The following ATL2 variants were observed in gnomAD, a reference collection of about 807,000 sequenced individuals.
ATL2 encodes atlastin-2.
A neutral mutation model predicts 73.9 loss-of-function variants in ATL2; 31 were observed. The ratio of observed to expected loss-of-function variants is 0.42; its 90% CI spans 0.32 to 0.57. The LOEUF (loss-of-function observed/expected upper bound fraction) is 0.57, where lower values mean the gene tolerates loss of function less well. Among genes scored for constraint, ATL2 ranks in the 20% least tolerant of loss-of-function variants. ATL2 has a pLI of 0.14. For synonymous variants in ATL2, 291 were observed against 237.5 expected (o/e 1.23, Z -2.07); for missense variants, 738 against 702.6 (o/e 1.05, Z -0.57).
chr2:38,309,403 A>G lies in ATL2; in HGVS notation c.1047T>C (p.Cys349=), dbSNP rs1257967840. The part of the protein sequence containing the change: ...EKEISGSKVT[C]RDLVEYFKAY... ...CCTTAAAATATTCTACAAGATCTCT[A>G]CAAGTGACTTTAGATCCACTTATCT... Residue 349 remains cysteine (C), a synonymous_variant, in exon 9 of 13, where the codon TGT becomes TGC. Transcript: ENST00000378954. 3 of 1,611,198 alleles carry G rather than the reference A, an allele frequency of 1.9e-6. No individual in the cohort carries two copies. The highest frequency in any genetic ancestry group is 2.5e-6 in the Non-Finnish European group (3 of 1,179,560).
At chr2:38,372,716 T>C (rs1671757085) in intron 1 of ATL2, among the ~76,000 whole-genome samples, 1 of 152,230 alleles carries the variant, frequency 6.6e-6, no homozygotes, top group Non-Finnish European at 1.5e-5. Flanking sequence ...AAGTTGCCTA[T>C]TTTGAAAATT....
chr2:38,310,514 C>A, intron 7 of ATL2, 67 bp from the exon 8 acceptor site: 1 of 1,381,920 alleles, frequency 7.2e-7, no homozygotes, highest in Non-Finnish European at 9.9e-7. Context: ...AGAAAATGCA[C>A]ACAGACTCGC....
At position 38,309,419 on chromosome 2, in the gene ATL2, C is replaced by G; in HGVS notation, c.1031G>C (p.Gly344Ala). The change falls in exon 9 of 13, where the codon GGA (glycine) becomes GCA (alanine). Residue 344 changes from glycine to alanine, a missense_variant. Transcript: ENST00000378954. ...AAGATCTCTACAAGTGACTTTAGAT[C>G]CACTTATCTCTTTTTCTACCAAATT... ...PENLVEKEIS[G>A]SKVTCRDLVE... The G allele has an allele frequency of 6.2e-7, 1 of 1,611,910 alleles. No homozygotes were observed. Among genetic ancestry groups the G allele is most frequent in the Non-Finnish European group, 8.5e-7 (1 of 1,179,516 alleles).
intron 1 of ATL2, among the ~76,000 whole-genome samples, chr2:38,364,607 C>A (rs1207369257): frequency 6.6e-6 from 1 of 152,244 alleles, no homozygotes; most frequent in African/African-American, 2.4e-5. Context: ...CAATGTACTA[C>A]ATTCCTATTT....
chr2:38,375,047 T>C (rs1366106982), intron 1 of ATL2, among the ~76,000 whole-genome samples: 1 of 152,190 alleles, frequency 6.6e-6, no homozygotes, highest in Non-Finnish European at 1.5e-5. Flanking sequence ...CAGAATCCTA[T>C]CAACTTAAAA....
chr2:38,340,968 C>G (rs1669679264), intron 2 of ATL2, among the ~76,000 whole-genome samples: 1 of 152,182 alleles, frequency 6.6e-6, no homozygotes, highest in Non-Finnish European at 1.5e-5. Flanking sequence ...AAAGAGAGTT[C>G]CGTTTGTGCA....
chr2:38,360,134 A>G lies in ATL2; in HGVS notation c.119-16622T>C, dbSNP rs867744471. ...GCAGAGCAAGGCTCCATTTCAAAAA[A>G]AAAAAAAAAAAAAAAGAATACTAAA... On this transcript the variant is annotated intron_variant, in intron 1 of 12. Coordinates refer to ENST00000378954, the MANE Select transcript of ATL2 (RefSeq NM_001135673.4). Among the ~76,000 whole-genome samples the G allele has an allele frequency of 4.8e-3, 621 of 130,292 alleles. 3 individuals carry two copies. The highest frequency in any genetic ancestry group is 0.021 in the African/African-American group (566 of 26,384). The allele number at this position is 130,292 out of a possible 152,430, so 85.5% of individuals were successfully genotyped here.
At chr2:38,360,640 A>C (rs1670958983) in intron 1 of ATL2, among the ~76,000 whole-genome samples, 1 of 152,120 alleles carries the variant, frequency 6.6e-6, no homozygotes, top group Admixed American at 6.6e-5. Context: ...AGGTTCTGCA[A>C]GTCTCTTCAT....
chr2:38,296,039 G>C lies in ATL2; in HGVS notation c.1707C>G (p.Gly569=). ...RQSVTNSIKA[G]LTDQVSHHAR... is the part of the protein sequence containing the mutation. Reference sequence around the variant, plus strand: ...CATGATGAGACACCTGGTCAGTCAGGCCTGCTTTGATAGAGTTTGTTACAG... The same window carrying C: ...CATGATGAGACACCTGGTCAGTCAGCCCTGCTTTGATAGAGTTTGTTACAG... The change falls in exon 13 of 13, where the codon GGC becomes GGG. Residue 569 remains glycine, a synonymous_variant. Transcript: ENST00000378954. The C allele has an allele frequency of 6.4e-7, 1 of 1,551,772 alleles. No homozygotes were observed. Among genetic ancestry groups the C allele is most frequent in the Non-Finnish European group, 8.7e-7 (1 of 1,146,864 alleles).
chr2:38,325,956 C>T (rs1223922546), intron 2 of ATL2, among the ~76,000 whole-genome samples: 1 of 150,172 alleles, frequency 6.7e-6, no homozygotes, highest in Non-Finnish European at 1.5e-5. Context: ...AGGACTCAGG[C>T]CCACTAAAAA....
intron 1 of ATL2, among the ~76,000 whole-genome samples, chr2:38,367,611 A>T (rs1320684852): frequency 1.4e-5 from 2 of 147,438 alleles, no homozygotes; most frequent in African/African-American, 5.1e-5. Context: ...AAAAAAAAAA[A>T]AAAAACCGCC....
chr2:38,360,283 G>A (rs1400166222), intron 1 of ATL2, among the ~76,000 whole-genome samples: 2 of 141,166 alleles, frequency 1.4e-5, no homozygotes, highest in East Asian at 2.3e-4. Context: ...TAAGATTTTG[G>A]GTGTTTTGCT....
At chr2:38,324,488 G>A (rs1054126788) in intron 2 of ATL2, among the ~76,000 whole-genome samples, 4 of 152,148 alleles carry the variant, frequency 2.6e-5, no homozygotes, top group Admixed American at 6.5e-5. Context: ...GTTTTCATTT[G>A]AATATGTGAG....
At chr2:38,337,549 TAA>T (rs1415504598) in intron 2 of ATL2, among the ~76,000 whole-genome samples, 3 of 132,056 alleles carry the variant, frequency 2.3e-5, no homozygotes, top group Admixed American at 7.6e-5. Flanking sequence ...ATTGAACACT[TAA>T]AAGACATTAA....
chr2:38,378,123 A>G (rs1259356982), upstream of ATL2, among the ~76,000 whole-genome samples: 1 of 152,212 alleles, frequency 6.6e-6, no homozygotes, highest in Non-Finnish European at 1.5e-5. Flanking sequence ...TCTGTGAAAC[A>G]TGATCCCTTT....
At chr2:38,372,071 G>A (rs763991775) in intron 1 of ATL2, among the ~76,000 whole-genome samples, 78 of 150,670 alleles carry the variant, frequency 5.2e-4, no homozygotes, top group African/African-American at 1.7e-3. Flanking sequence ...TTAAATGAAG[G>A]GAAAAATAAG....
intron 2 of ATL2, among the ~76,000 whole-genome samples, chr2:38,333,479 G>A (rs997341969): frequency 6.6e-6 from 1 of 152,090 alleles, no homozygotes; most frequent in Non-Finnish European, 1.5e-5. Flanking sequence ...TAAAACTGGT[G>A]GTTGAGTAGT....
At chr2:38,310,928 AC>A (rs1667726105) in intron 7 of ATL2, among the ~76,000 whole-genome samples, 1 of 152,020 alleles carries the variant, frequency 6.6e-6, no homozygotes, top group African/African-American at 2.4e-5. Flanking sequence ...CACCCAGCCA[AC>A]CCCACATTTT....
chr2:38,318,372 G>A (rs181446217), intron 4 of ATL2, 163 bp downstream of exon 4: 1 of 432,006 alleles, frequency 2.3e-6, no homozygotes. Flanking sequence ...TCAGCTACTC[G>A]GGTTAGGAGA....
Sources: gnomAD v4.1 joint callset for allele counts (sites outside exome capture counted in the v4.1 genomes callset) on GRCh38, gnomAD v4.1.1 for gene constraint, MANE v1.5 for transcripts, NCBI Gene and HGNC (gene_info 2026-07-23, HGNC 2026-07-21) for gene names.